The following BICC1 variants were observed in gnomAD, a reference collection of about 807,000 sequenced individuals.
BICC1 encodes protein bicaudal C homolog 1.
A neutral mutation model predicts 111.0 loss-of-function variants in BICC1; 43 were observed. The observed-to-expected ratio is 0.39, with a 90% CI of 0.30 to 0.50. The LOEUF is 0.50. Ranked by LOEUF, BICC1 falls within the 20% of genes least tolerant of loss-of-function variation. The pLI, the probability that BICC1 is intolerant of heterozygous loss-of-function variation, is 0.88. For missense variants in BICC1, 1,091 were observed against 1,203.2 expected, an observed-to-expected ratio of 0.91 and a Z score of 1.38; for synonymous variants, 467 against 434.4, an observed-to-expected ratio of 1.07 and a Z score of -0.93.
At chr10:58,737,473 A>C (rs929743324) in intron 3 of BICC1, among the ~76,000 whole-genome samples, 5 of 152,180 alleles carry the variant, frequency 3.3e-5, no homozygotes, top group African/African-American at 9.7e-5. Context: ...GTATATGTGC[A>C]ACATTTTCTT....
chr10:58,558,386 C>G (rs1843513055), intron 1 of BICC1, among the ~76,000 whole-genome samples: 1 of 152,086 alleles, frequency 6.6e-6, no homozygotes, highest in Non-Finnish European at 1.5e-5. Context: ...CTTAGAGAGA[C>G]TTCTAGGTTC....
At chr10:58,811,081 C>A (rs1843888161) in intron 17 of BICC1, among the ~76,000 whole-genome samples, 1 of 152,132 alleles carries the variant, frequency 6.6e-6, no homozygotes, top group Non-Finnish European at 1.5e-5. Context: ...TCAAAGAGAT[C>A]CCTTAGATAA....
intron 1 of BICC1, among the ~76,000 whole-genome samples, chr10:58,609,281 A>G (rs1845334916): frequency 6.6e-6 from 1 of 152,230 alleles, no homozygotes; most frequent in South Asian, 2.1e-4. Flanking sequence ...TCCTCCTGCA[A>G]AATGTTCCCA....
chr10:58,581,765 G>A (rs1339266661), intron 1 of BICC1, among the ~76,000 whole-genome samples: 1 of 151,904 alleles, frequency 6.6e-6, no homozygotes, highest in African/African-American at 2.4e-5. Flanking sequence ...CTCCAATTTG[G>A]GAAGATTGAG....
chr10:58,750,523 C>T (rs1282334157), intron 3 of BICC1, among the ~76,000 whole-genome samples: 2 of 151,968 alleles, frequency 1.3e-5, no homozygotes, highest in Non-Finnish European at 2.9e-5. Flanking sequence ...CCTTTGTGTC[C>T]CAGTTTGTGC....
intron 3 of BICC1, among the ~76,000 whole-genome samples, chr10:58,734,944 T>A (rs1296136918): frequency 1.3e-5 from 2 of 152,166 alleles, no homozygotes; most frequent in East Asian, 3.9e-4. Flanking sequence ...ATCAAGCAGA[T>A]CTTACAGAAT....
chr10:58,645,147 C>T (rs773190926), intron 2 of BICC1, among the ~76,000 whole-genome samples: 1 of 151,962 alleles, frequency 6.6e-6, no homozygotes, highest in Non-Finnish European at 1.5e-5. Context: ...CGGTGGCTCA[C>T]GCCTGTAATC....
At chr10:58,527,344 G>T (rs781161649) in intron 1 of BICC1, among the ~76,000 whole-genome samples, 24 of 152,204 alleles carry the variant, frequency 1.6e-4, no homozygotes, top group Non-Finnish European at 3.4e-4. Flanking sequence ...TGGGTAGATT[G>T]TAAAAATTTT....
rs576313664 is a variant in BICC1, at chr10:58,649,330, G to A, written c.237+28429G>A. Among the ~76,000 whole-genome samples, 4 of 152,250 alleles carry A rather than the reference G, an allele frequency of 2.6e-5. No homozygotes were observed. The East Asian group carries it at 7.7e-4, about 29-fold the overall frequency. On this transcript the variant is annotated intron_variant, in intron 2 of 20. Transcript: ENST00000373886. The stretch of plus-strand genomic sequence containing the variant: ...GAGAGAATTGGGGAGAAACTCTCCC[G>A]CAGTGTAGCATAAGTCAAGTAGGTA...
In BICC1 at chr10:58,513,171, C is replaced by T. The variant is rs768560233; in HGVS notation, c.28C>T (p.Leu10=). Residue 10 remains leucine (L), a synonymous_variant, in exon 1 of 21, where the codon CTG becomes TTG. Transcript: ENST00000373886. ...GGCCGCCCAGGGAGAGCCCGGCTAC[C>T]TGGCGGCGCAGTCGGACCCCGGCTC... MAAQGEPGY[L]AAQSDPGSNS... The T allele has an allele frequency of 1.9e-5, 30 of 1,568,952 alleles. No individual in the cohort carries two copies. Among genetic ancestry groups the T allele is most frequent in the Admixed American group, 3.7e-5 (2 of 54,062 alleles).
At chr10:58,644,384 C>T (rs756324340) in intron 2 of BICC1, among the ~76,000 whole-genome samples, 5 of 152,150 alleles carry the variant, frequency 3.3e-5, no homozygotes, top group Non-Finnish European at 5.9e-5. Flanking sequence ...TACCTGAGAC[C>T]CAGAAGTTGT....
intron 1 of BICC1, among the ~76,000 whole-genome samples, chr10:58,584,055 A>AACACACACACAC (rs140080926): frequency 6.8e-5 from 10 of 147,964 alleles, no homozygotes; most frequent in African/African-American, 2.5e-4. Flanking sequence ...GTAAACATGA[A>AACACACACACAC]ACACACACAC....
intron 2 of BICC1, among the ~76,000 whole-genome samples, chr10:58,636,625 T>C (rs748910270): frequency 1.1e-4 from 17 of 152,080 alleles, no homozygotes; most frequent in Non-Finnish European, 4.4e-5. Flanking sequence ...CTTCCCCAAT[T>C]CATGCCAGGC....
chr10:58,685,464 G>C (rs1022329708), intron 2 of BICC1, among the ~76,000 whole-genome samples: 1 of 152,156 alleles, frequency 6.6e-6, no homozygotes, highest in African/African-American at 2.4e-5. Flanking sequence ...GTTGACAGTA[G>C]GGTGTTAAAA....
At chr10:58,800,444 C>T (rs979647095) in intron 13 of BICC1, 118 bp downstream of exon 13, 2 of 931,484 alleles carry the variant, frequency 2.1e-6, no homozygotes, top group Admixed American at 3.1e-5. Flanking sequence ...ATTCATCCTA[C>T]CTCAATTATG....
intron 1 of BICC1, among the ~76,000 whole-genome samples, chr10:58,563,149 G>A (rs1226993529): frequency 6.6e-6 from 1 of 152,162 alleles, no homozygotes; most frequent in East Asian, 1.9e-4. Context: ...TGAGATAGTG[G>A]AGGGGTCACA....
In BICC1 at chr10:58,573,322, A is replaced by G. The variant is rs993442393; in HGVS notation, c.191-47533A>G. On this transcript the variant is annotated intron_variant, in intron 1 of 20. Transcript: ENST00000373886. ...AGATTTTCATCCAACACAAACTCCA[A>G]TCTGGCTTTTGTCATTACTGAAGAT... Among the ~76,000 whole-genome samples the G allele has an allele frequency of 9.8e-5, 15 of 152,294 alleles. No individual in the cohort carries two copies. In the East Asian group the frequency reaches 1.7e-3, roughly 18 times the overall value.
chr10:58,630,364 A>G (rs116024420), intron 2 of BICC1, among the ~76,000 whole-genome samples: 3,145 of 152,280 alleles, frequency 0.021, 117 homozygotes, highest in African/African-American at 0.072. Flanking sequence ...GATGTTCCAG[A>G]GTGAGCGATG....
chr10:58,808,709 T>TA (rs1025811491), intron 17 of BICC1, among the ~76,000 whole-genome samples: 11 of 117,846 alleles, frequency 9.3e-5, no homozygotes, highest in African/African-American at 3.6e-4. Context: ...TAGTGATATT[T>TA]AAAAAAAATT....
Sources: allele counts gnomAD v4.1 joint callset (sites outside exome capture counted in the v4.1 genomes callset), GRCh38; gene constraint gnomAD v4.1.1; transcripts MANE v1.5; gene names NCBI Gene and HGNC (gene_info 2026-07-23, HGNC 2026-07-21).